Variants in MAN1A2 observed in about 807,000 individuals in gnomAD.
The protein encoded by MAN1A2 is mannosidase alpha class 1A member 2.
Under a neutral mutation model 75.7 loss-of-function variants are expected in MAN1A2, and 26 were observed. That is an observed-to-expected ratio of 0.34 (90% CI 0.25 to 0.48). The LOEUF (loss-of-function observed/expected upper bound fraction) is 0.48. Among genes scored for constraint, MAN1A2 ranks in the 20% least tolerant of loss-of-function variants. The probability of loss-of-function intolerance (pLI) is 0.99; values close to 1 mark genes in which losing one functional copy is unlikely to be tolerated. For missense variants in MAN1A2, 562 were observed against 775.5 expected, an observed-to-expected ratio of 0.72 and a Z score of 3.27; for synonymous variants, 247 against 264.6, an observed-to-expected ratio of 0.93 and a Z score of 0.65.
rs142501416 is a variant in MAN1A2 at position 117,428,439 on chromosome 1, CAGAA to C, written c.855+7793_855+7796del. The stretch of plus-strand genomic sequence containing the variant: ...CTAGAAAATATTTAAATAAAAAAAA[CAGAA>C]AGGAAGGAATAGAGGACAACAACAA... On this transcript the variant is annotated intron_variant, in intron 5 of 12. Transcript: ENST00000356554. Among the ~76,000 whole-genome samples, 248 of 151,476 alleles carry C rather than the reference CAGAA, an allele frequency of 1.6e-3. 1 individual carries two copies. The highest frequency in any genetic ancestry group is 5.7e-3 in the African/African-American group (235 of 41,192).
At chr1:117,520,464 G>A (rs753993006) in intron 12 of MAN1A2, among the ~76,000 whole-genome samples, 25 of 152,038 alleles carry the variant, frequency 1.6e-4, no homozygotes, top group Non-Finnish European at 2.9e-4. Flanking sequence ...AAATAATTCA[G>A]CAAAGTTTCC....
At chr1:117,442,966 A>C (rs970228472) in intron 6 of MAN1A2, among the ~76,000 whole-genome samples, 1 of 152,212 alleles carries the variant, frequency 6.6e-6, no homozygotes, top group East Asian at 1.9e-4. Context: ...ATGTAGAGAT[A>C]TACAATTAAC....
intron 2 of MAN1A2, among the ~76,000 whole-genome samples, chr1:117,405,144 G>A (rs1557936822): frequency 3.3e-5 from 5 of 152,194 alleles, no homozygotes; most frequent in African/African-American, 7.2e-5. Context: ...TAACAGCAGA[G>A]TTAGTTTGTT....
rs951294153 is a variant in MAN1A2 at position 117,368,001 on chromosome 1, C to G, written c.-183C>G. On this transcript the variant is annotated 5_prime_UTR_variant, in exon 1 of 13. Transcript: ENST00000356554. Reference sequence around the variant, plus strand: ...TTGTGATCGTTTGGGGGAGGTCACACACGTTTCTGAGTGGGAATGGATGGG... The same window carrying G: ...TTGTGATCGTTTGGGGGAGGTCACAGACGTTTCTGAGTGGGAATGGATGGG... The G allele has an allele frequency of 1.3e-5, 8 of 593,686 alleles. No individual in the cohort carries two copies. Among genetic ancestry groups the G allele is most frequent in the African/African-American group, 7.4e-5 (4 of 53,810 alleles). The allele number at this position is 593,686 out of a possible 1,614,324, so 36.8% of individuals were successfully genotyped here.
chr1:117,388,831 A>G (rs1653625987), intron 1 of MAN1A2, among the ~76,000 whole-genome samples: 1 of 152,224 alleles, frequency 6.6e-6, no homozygotes. Flanking sequence ...TCCACAAGAA[A>G]AGAATGAATA....
chr1:117,517,320 T>C (rs1395193786), intron 12 of MAN1A2, among the ~76,000 whole-genome samples: 1 of 152,176 alleles, frequency 6.6e-6, no homozygotes, highest in Non-Finnish European at 1.5e-5. Flanking sequence ...TACAATGTGA[T>C]CAATAATTAT....
chr1:117,502,617 G>T (rs944114948), intron 11 of MAN1A2, among the ~76,000 whole-genome samples: 1 of 151,622 alleles, frequency 6.6e-6, no homozygotes, highest in Non-Finnish European at 1.5e-5. Flanking sequence ...AATATAAGAT[G>T]TCTTAAAAAG....
chr1:117,449,649 A>G (rs1277488361), intron 6 of MAN1A2, among the ~76,000 whole-genome samples: 1 of 152,172 alleles, frequency 6.6e-6, no homozygotes, highest in African/African-American at 2.4e-5. Context: ...CTCTTGTGCC[A>G]AACAGTCCGC....
At chr1:117,484,899 A>G (rs1650622964) in intron 8 of MAN1A2, among the ~76,000 whole-genome samples, 1 of 151,972 alleles carries the variant, frequency 6.6e-6, no homozygotes, top group South Asian at 2.1e-4. Flanking sequence ...CTCTATTTCT[A>G]GGCCATGTGG....
intron 5 of MAN1A2, among the ~76,000 whole-genome samples, chr1:117,428,483 G>A (rs939019681): frequency 6.6e-6 from 1 of 152,048 alleles, no homozygotes; most frequent in Non-Finnish European, 1.5e-5. Flanking sequence ...CAATGGAAAT[G>A]GCGAACAGAA....
chr1:117,446,400 T>C (rs533860879), intron 6 of MAN1A2, among the ~76,000 whole-genome samples: 9 of 152,114 alleles, frequency 5.9e-5, no homozygotes, highest in African/African-American at 1.9e-4. Flanking sequence ...TTCTCTCTTT[T>C]CCCCCCATAA....
chr1:117,518,646 A>C (rs189797344), intron 12 of MAN1A2, among the ~76,000 whole-genome samples: 7 of 152,224 alleles, frequency 4.6e-5, no homozygotes, highest in African/African-American at 1.7e-4. Context: ...ACAGTCCTAA[A>C]CATATATGCA....
At chr1:117,487,482 A>G (rs906982278) in intron 8 of MAN1A2, among the ~76,000 whole-genome samples, 3 of 152,066 alleles carry the variant, frequency 2.0e-5, no homozygotes, top group African/African-American at 7.2e-5. Flanking sequence ...GAGAAAACTA[A>G]AAGCTATACA....
chr1:117,398,894 A>G (rs922089420), intron 1 of MAN1A2, among the ~76,000 whole-genome samples: 7 of 152,188 alleles, frequency 4.6e-5, no homozygotes, highest in African/African-American at 1.2e-4. Context: ...CATTGGGTCT[A>G]TAGTATGGAT....
At chr1:117,402,108 ACCT>A in intron 1 of MAN1A2, 75 bp from the exon 2 acceptor site, 1 of 1,412,796 alleles carries the variant, frequency 7.1e-7, no homozygotes, top group Non-Finnish European at 9.6e-7. Flanking sequence ...TAATGGAGAA[ACCT>A]TTATGTTTTA....
At chr1:117,416,041 A>C (rs1647979564) in intron 4 of MAN1A2, among the ~76,000 whole-genome samples, 1 of 152,098 alleles carries the variant, frequency 6.6e-6, no homozygotes, top group African/African-American at 2.4e-5. Flanking sequence ...CTCCTAGATC[A>C]TGAATATATT....
chr1:117,472,668 T>A (rs1368606307), intron 8 of MAN1A2, among the ~76,000 whole-genome samples: 5 of 152,052 alleles, frequency 3.3e-5, no homozygotes, highest in African/African-American at 1.2e-4. Context: ...CTTCACTCAG[T>A]CTTTTTATTA....
chr1:117,405,737 G>A, intron 3 of MAN1A2, 92 bp downstream of exon 3: 1 of 793,394 alleles, frequency 1.3e-6, no homozygotes, highest in South Asian at 1.5e-5. Context: ...TAAAATCTGA[G>A]TATTTCTGTG....
At chr1:117,410,968 G>C (rs1480301106) in intron 3 of MAN1A2, among the ~76,000 whole-genome samples, 2 of 151,886 alleles carry the variant, frequency 1.3e-5, no homozygotes, top group East Asian at 3.9e-4. Flanking sequence ...GGACTTAATG[G>C]AGAGAAATGC....
Sources: gnomAD v4.1 joint callset for allele counts (sites outside exome capture counted in the v4.1 genomes callset) on GRCh38, gnomAD v4.1.1 for gene constraint, MANE v1.5 for transcripts, NCBI Gene and HGNC (gene_info 2026-07-23, HGNC 2026-07-21) for gene names.